Variants in KIAA1549L observed in about 807,000 individuals in gnomAD.
KIAA1549L encodes the protein KIAA1549 like.
Under a neutral mutation model 160.7 loss-of-function variants are expected in KIAA1549L, and 88 were observed. That is an observed-to-expected ratio of 0.55 (90% CI 0.46 to 0.65). The LOEUF (loss-of-function observed/expected upper bound fraction) is 0.65. Among genes scored for constraint, KIAA1549L ranks in the 30% least tolerant of loss-of-function variants. The probability of loss-of-function intolerance (pLI) is 0.00; values close to 1 mark genes in which losing one functional copy is unlikely to be tolerated. For synonymous variants in KIAA1549L, 950 were observed against 976.7 expected (o/e 0.97, Z 0.51); for missense variants, 2,258 against 2,437.5 (o/e 0.93, Z 1.55).
chr11:33,550,877 C>T (rs1261601914), intron 4 of KIAA1549L, among the ~76,000 whole-genome samples, 163 bp from the exon 5 acceptor site: 1 of 152,118 alleles, frequency 6.6e-6, no homozygotes, highest in East Asian at 1.9e-4. Context: ...TGAGACTTGC[C>T]AATCCAAACT....
chr11:33,402,029 A>G (rs1018947948), intron 1 of KIAA1549L, among the ~76,000 whole-genome samples: 1 of 152,124 alleles, frequency 6.6e-6, no homozygotes, highest in African/African-American at 2.4e-5. Flanking sequence ...GGGCCAAGAT[A>G]TGTTCTAGCC....
intron 4 of KIAA1549L, among the ~76,000 whole-genome samples, chr11:33,548,554 T>G (rs1171534066): frequency 6.6e-6 from 1 of 152,244 alleles, no homozygotes; most frequent in Non-Finnish European, 1.5e-5. Flanking sequence ...TTGTAAACAG[T>G]GATTTATTTC....
At chr11:33,443,035 C>T (rs778675321) in intron 1 of KIAA1549L, among the ~76,000 whole-genome samples, 1 of 152,252 alleles carries the variant, frequency 6.6e-6, no homozygotes, top group Non-Finnish European at 1.5e-5. Context: ...GCTTAATTTG[C>T]TTAATTATCT....
chr11:33,423,520 G>A (rs1851059840), intron 1 of KIAA1549L, among the ~76,000 whole-genome samples: 1 of 152,186 alleles, frequency 6.6e-6, no homozygotes. Context: ...TCATTGAAGA[G>A]GACTGATGAT....
intron 1 of KIAA1549L, among the ~76,000 whole-genome samples, chr11:33,386,996 A>C (rs1403005015): frequency 1.3e-5 from 2 of 151,916 alleles, no homozygotes; most frequent in African/African-American, 4.8e-5. Flanking sequence ...AGTCCCAGCT[A>C]CTTGGGAGGC....
At chr11:33,413,727 G>A (rs1269882877) in intron 1 of KIAA1549L, among the ~76,000 whole-genome samples, 1 of 152,102 alleles carries the variant, frequency 6.6e-6, no homozygotes, top group African/African-American at 2.4e-5. Flanking sequence ...TAGGCATGGA[G>A]GAACAAAGAA....
chr11:33,551,514 C>T (rs1174906042), intron 5 of KIAA1549L, among the ~76,000 whole-genome samples: 1 of 151,890 alleles, frequency 6.6e-6, no homozygotes, highest in Non-Finnish European at 1.5e-5. Context: ...TACTTTTGAG[C>T]TCCAGGTACT....
At chr11:33,475,714 G>C (rs1852271640) in intron 1 of KIAA1549L, among the ~76,000 whole-genome samples, 1 of 147,878 alleles carries the variant, frequency 6.8e-6, no homozygotes, top group Admixed American at 6.7e-5. Context: ...AAAAAAATTA[G>C]CTAGACGTGG....
chr11:33,451,635 A>G lies in KIAA1549L; in HGVS notation c.238+74746A>G, dbSNP rs138526967. Among the ~76,000 whole-genome samples the G allele has an allele frequency of 3.3e-5, 5 of 152,368 alleles. No homozygotes were observed. In the East Asian group the frequency reaches 9.6e-4, roughly 29 times the overall value. Reference sequence around the variant, plus strand: ...GTTCTGATCTTGTCTGAAAGACAGAAAACAGAAGTGTCTCACTTGTGACAA... The same window carrying G: ...GTTCTGATCTTGTCTGAAAGACAGAGAACAGAAGTGTCTCACTTGTGACAA... On this transcript the variant is annotated intron_variant, in intron 1 of 20. Transcript: ENST00000658780.
intron 1 of KIAA1549L, among the ~76,000 whole-genome samples, chr11:33,522,875 G>A (rs1392303347): frequency 6.7e-6 from 1 of 149,602 alleles, no homozygotes; most frequent in African/African-American, 2.5e-5. Context: ...TTCCAGCCTG[G>A]GTGACAAAGT....
At chr11:33,525,267 A>G (rs951599389) in intron 1 of KIAA1549L, among the ~76,000 whole-genome samples, 8 of 152,198 alleles carry the variant, frequency 5.3e-5, no homozygotes, top group Non-Finnish European at 1.2e-4. Context: ...AGAGGGGGAA[A>G]AGTTGGTCTC....
chr11:33,433,242 A>T (rs912632039), intron 1 of KIAA1549L, among the ~76,000 whole-genome samples: 1 of 152,140 alleles, frequency 6.6e-6, no homozygotes, highest in Non-Finnish European at 1.5e-5. Context: ...CAAGACAAAA[A>T]CATATTTACA....
intron 1 of KIAA1549L, among the ~76,000 whole-genome samples, chr11:33,398,950 G>GTT (rs71034680): frequency 1.4e-5 from 2 of 140,012 alleles, no homozygotes; most frequent in African/African-American, 5.3e-5. Context: ...TCCAGTGAGT[G>GTT]TTTTTTTTTT....
chr11:33,525,509 C>G (rs191304334), intron 1 of KIAA1549L, among the ~76,000 whole-genome samples: 1 of 150,964 alleles, frequency 6.6e-6, no homozygotes. Flanking sequence ...AGAGAGGAGC[C>G]ACAGGTGATG....
At position 33,591,324 on chromosome 11, in the gene KIAA1549L, G is replaced by A. The variant is rs953230795; in HGVS notation, c.4654G>A (p.Val1552Ile). ...EVIPVTQETV[V>I]LPLPIRDAPQ... ...CATCCCTGTGACTCAGGAGACAGTGGTTCTCCCACTGCCCATTAGAGATGC... is the reference window on the plus strand; with the variant it reads ...CATCCCTGTGACTCAGGAGACAGTGATTCTCCCACTGCCCATTAGAGATGC... Residue 1552 changes from valine to isoleucine, a missense_variant, in exon 12 of 21, where the codon GTT (valine) becomes ATT (isoleucine). Physicochemically the swap from Val to Ile is conservative, Grantham distance 29. This residue lies in a region of KIAA1549L where 1,359 missense variants were observed against 1,546.6 expected (regional missense o/e 0.88). Transcript: ENST00000658780. 42 of 1,613,596 alleles carry A rather than the reference G, an allele frequency of 2.6e-5. No individual in the cohort carries two copies. Among genetic ancestry groups the A allele is most frequent in the Non-Finnish European group, 3.6e-5 (42 of 1,179,548 alleles).
Position 33,609,916 on chromosome 11 carries a change from T to C in KIAA1549L, c.5229T>C (p.Val1743=). ...YEKAPKEMEH[V]LDPDSELCAP... is the part of the protein sequence containing the mutation. ...AAGCCCCGAAGGAAATGGAGCATGT[T>C]TTGGATCCAGATTCAGAACTCTGTG... Residue 1743 remains valine, a synonymous_variant, in exon 15 of 21, where the codon GTT becomes GTC. Coordinates refer to ENST00000658780, the MANE Select transcript of KIAA1549L (RefSeq NM_012194.3). 1 of 1,613,994 alleles carries C rather than the reference T, an allele frequency of 6.2e-7. No individual in the cohort carries two copies.
intron 10 of KIAA1549L, among the ~76,000 whole-genome samples, chr11:33,582,861 C>T (rs1328627499): frequency 1.3e-5 from 2 of 152,208 alleles, no homozygotes; most frequent in Non-Finnish European, 2.9e-5. Flanking sequence ...GCTCATGTTA[C>T]ATTTTACTCG....
At chr11:33,476,120 T>C (rs973278134) in intron 1 of KIAA1549L, among the ~76,000 whole-genome samples, 1 of 152,194 alleles carries the variant, frequency 6.6e-6, no homozygotes, top group East Asian at 1.9e-4. Flanking sequence ...TCTCAGGAAA[T>C]CTATTACTGT....
intron 1 of KIAA1549L, among the ~76,000 whole-genome samples, chr11:33,420,320 T>C (rs1850985702): frequency 1.4e-5 from 2 of 145,696 alleles, no homozygotes; most frequent in African/African-American, 5.0e-5. Flanking sequence ...CCTCGACCTC[T>C]CAGGCTCAAG....
Sources: allele counts gnomAD v4.1 joint callset (sites outside exome capture counted in the v4.1 genomes callset), GRCh38; gene constraint gnomAD v4.1.1; regional missense constraint gnomAD v4.1.1; transcripts MANE v1.5; gene names NCBI Gene and HGNC (gene_info 2026-07-23, HGNC 2026-07-21).